The following PPME1 variants were observed in gnomAD, a reference collection of about 807,000 sequenced individuals.
The protein encoded by PPME1 is testicular secretory protein Li 39.
In PPME1, 17 loss-of-function variants were observed where a neutral mutation model predicts 56.9. That is an observed-to-expected ratio of 0.30 (90% CI 0.20 to 0.45). PPME1 has a LOEUF of 0.45. Among genes scored for constraint, PPME1 ranks in the 20% least tolerant of loss-of-function variants. The pLI is 1.00. For missense variants in PPME1, 357 were observed against 483.2 expected (o/e 0.74, Z 2.45); for synonymous variants, 122 against 156.2 (o/e 0.78, Z 1.63).
intron 1 of PPME1, among the ~76,000 whole-genome samples, chr11:74,197,657 G>T (rs76123220): frequency 0.017 from 2,577 of 152,274 alleles, 40 homozygotes; most frequent in African/African-American, 0.03. Context: ...CCTTTAGTTG[G>T]TAGCAAATGG....
At position 74,230,958 on chromosome 11, in the gene PPME1, T is replaced by G; in HGVS notation, c.600T>G (p.Gly200=). Reference sequence around the variant, plus strand: ...ATAGCATGCAGAATTTCTTACGGGGTCGTCCTAAAACCTTCAAGTCTCTGG... The same window carrying G: ...ATAGCATGCAGAATTTCTTACGGGGGCGTCCTAAAACCTTCAAGTCTCTGG... ...ALNSMQNFLR[G]RPKTFKSLEN... Residue 200 remains glycine (G), a synonymous_variant, in exon 7 of 14, where the codon GGT becomes GGG. Coordinates refer to ENST00000328257, the MANE Select transcript of PPME1 (RefSeq NM_016147.3). The surrounding 1 kb of genome is among the most constrained non-coding windows in gnomAD (Gnocchi z 4.9). 8.7e-6 allele frequency: 14 copies of G among 1,605,198 alleles called. No homozygotes were observed. Among genetic ancestry groups the G allele is most frequent in the Admixed American group, 1.7e-5 (1 of 58,910 alleles).
rs187776309 is a variant in PPME1, at chr11:74,230,145, C to G, written c.399-100C>G. The G allele has an allele frequency of 7.6e-7, 1 of 1,318,756 alleles. No homozygotes were observed. Among genetic ancestry groups the G allele is most frequent in the Non-Finnish European group, 1.0e-6 (1 of 959,794 alleles). 81.7% of individuals were successfully genotyped at this position (1,318,756 alleles called of 1,614,324 possible). A position where few individuals can be genotyped will look rare whatever the true frequency, so the allele number is the denominator to read the frequency against. ...ATGGCCCAATAGACTTTTACAGTTT[C>G]CCAGCACTGTTACACACCAAAGAAA... On this transcript the variant is annotated intron_variant, in intron 5 of 13. Transcript: ENST00000328257. This position sits in a 1 kb window ranked among gnomAD's most constrained non-coding sequence, Gnocchi z 4.9.
intron 9 of PPME1, chr11:74,243,308 T>C (rs1471307898): frequency 6.6e-6 from 1 of 151,384 alleles, no homozygotes; most frequent in South Asian, 2.1e-4. Flanking sequence ...TTTTTTTTTT[T>C]GGTTTTGCAA....
At chr11:74,201,177 G>A (rs1344207713) in intron 1 of PPME1, among the ~76,000 whole-genome samples, 2 of 151,762 alleles carry the variant, frequency 1.3e-5, no homozygotes, top group African/African-American at 4.8e-5. Flanking sequence ...GGGTTTCACC[G>A]TGTTAGCCAG....
chr11:74,177,420 G>A (rs1362668664), intron 1 of PPME1, among the ~76,000 whole-genome samples: 1 of 150,960 alleles, frequency 6.6e-6, no homozygotes, highest in East Asian at 1.9e-4. Flanking sequence ...CTGCACTCTA[G>A]CCTGGGACAC....
At chr11:74,210,074 A>G (rs115057057) in intron 3 of PPME1, among the ~76,000 whole-genome samples, 1,755 of 152,274 alleles carry the variant, frequency 0.012, 32 homozygotes, top group African/African-American at 0.04. Context: ...TTATACATAC[A>G]TACGTAAATA....
chr11:74,220,282 A>G (rs1858764609), intron 3 of PPME1, among the ~76,000 whole-genome samples: 1 of 151,216 alleles, frequency 6.6e-6, no homozygotes, highest in Admixed American at 6.6e-5. Flanking sequence ...TTATAAAGTG[A>G]TACAGAAGCA....
chr11:74,187,421 A>G (rs1231798805), intron 1 of PPME1, among the ~76,000 whole-genome samples: 1 of 152,146 alleles, frequency 6.6e-6, no homozygotes, highest in East Asian at 1.9e-4. Flanking sequence ...CTTCAACAGT[A>G]TTACATAGTT....
chr11:74,196,550 G>T (rs566974268), intron 1 of PPME1, among the ~76,000 whole-genome samples: 1 of 152,106 alleles, frequency 6.6e-6, no homozygotes, highest in East Asian at 1.9e-4. Flanking sequence ...TACAGGAAAG[G>T]GGTCCCAATC....
intron 1 of PPME1, among the ~76,000 whole-genome samples, chr11:74,201,498 A>G (rs1307887366): frequency 6.6e-6 from 1 of 152,248 alleles, no homozygotes; most frequent in African/African-American, 2.4e-5. Context: ...CATAAATGAC[A>G]GCATGAGAAG....
At chr11:74,175,865 T>A (rs1478865097) in intron 1 of PPME1, among the ~76,000 whole-genome samples, 1 of 152,264 alleles carries the variant, frequency 6.6e-6, no homozygotes, top group Admixed American at 6.5e-5. Flanking sequence ...AATCATTATG[T>A]GGCAGGAACA....
In PPME1 at chr11:74,230,921, TG is replaced by T; in HGVS notation, c.565del (p.Asp189MetfsTer28). 6.2e-7 allele frequency: 1 copy of T among 1,600,480 alleles called. No homozygotes were observed. Among genetic ancestry groups the T allele is most frequent in the Non-Finnish European group, 8.5e-7 (1 of 1,172,920 alleles). ...CMIDVVEGTA[M>X]DALNSMQNFL... ...TTTGTTTAACATCCAGGTACAGCTA[TG>T]GATGCACTTAATAGCATGCAGAATT... On this transcript the variant is annotated frameshift_variant, in exon 7 of 14. Transcript: ENST00000328257. LOFTEE classifies it high-confidence loss of function. This position sits in a 1 kb window ranked among gnomAD's most constrained non-coding sequence, Gnocchi z 4.9.
At chr11:74,206,518 G>A (rs1468924610) in intron 3 of PPME1, among the ~76,000 whole-genome samples, 1 of 152,128 alleles carries the variant, frequency 6.6e-6, no homozygotes, top group Non-Finnish European at 1.5e-5. Context: ...AAAGGGGTTT[G>A]CCTGAAGAAA....
chr11:74,204,730 T>C (rs1459122714), intron 3 of PPME1: 1 of 243,740 alleles, frequency 4.1e-6, no homozygotes, highest in Non-Finnish European at 7.9e-6. Flanking sequence ...TGATGGAAAA[T>C]GTGAAAGAAA....
chr11:74,240,081 G>A (rs981310247), intron 9 of PPME1, among the ~76,000 whole-genome samples: 14 of 150,794 alleles, frequency 9.3e-5, no homozygotes, highest in African/African-American at 2.2e-4. Flanking sequence ...CTACAGGTGC[G>A]TGCCACCACA....
intron 8 of PPME1, chr11:74,238,643 G>A (rs576963082): frequency 6.6e-6 from 1 of 152,406 alleles, no homozygotes; most frequent in South Asian, 2.1e-4. Context: ...GGTTGGTTCA[G>A]ATGGTTTCTG....
At chr11:74,221,688 G>T (rs1456816770) in intron 3 of PPME1, among the ~76,000 whole-genome samples, 1 of 152,068 alleles carries the variant, frequency 6.6e-6, no homozygotes, top group Non-Finnish European at 1.5e-5. Flanking sequence ...TATTGTCAAA[G>T]AATCCAGTTT....
At chr11:74,220,528 T>C (rs1046979637) in intron 3 of PPME1, among the ~76,000 whole-genome samples, 3 of 152,220 alleles carry the variant, frequency 2.0e-5, no homozygotes, top group Admixed American at 6.5e-5. Context: ...ATTTGAAAAT[T>C]GGCTCTGTCA....
intron 1 of PPME1, among the ~76,000 whole-genome samples, chr11:74,172,972 C>T (rs894504167): frequency 6.6e-5 from 10 of 151,992 alleles, no homozygotes; most frequent in African/African-American, 2.2e-4. Flanking sequence ...TCCTATAAAA[C>T]AGTGGGGTAA....
Sources: gnomAD v4.1 joint callset for allele counts (sites outside exome capture counted in the v4.1 genomes callset) on GRCh38, gnomAD v4.1.1 for gene constraint, Gnocchi (gnomAD v3.1) non-coding constraint, MANE v1.5 for transcripts, NCBI Gene and HGNC (gene_info 2026-07-23, HGNC 2026-07-21) for gene names.